The following TRPS1 variants were observed in gnomAD, a reference collection of about 807,000 sequenced individuals.
TRPS1 encodes the protein zinc finger transcription factor Trps1.
In TRPS1, 6 loss-of-function variants were observed where a neutral mutation model predicts 101.2. The observed-to-expected ratio is 0.06, with a 90% CI of 0.03 to 0.12. The LOEUF (loss-of-function observed/expected upper bound fraction) is 0.12, where lower values mean the gene tolerates loss of function less well. Ranked by LOEUF, TRPS1 falls within the 10% of genes least tolerant of loss-of-function variation. The pLI is 1.00. For synonymous variants in TRPS1, 578 were observed against 589.8 expected, an observed-to-expected ratio of 0.98 and a Z score of 0.29; for missense variants, 1,363 against 1,567.0, an observed-to-expected ratio of 0.87 and a Z score of 2.20.
chr8:115,443,178 G>T (rs1230033171), intron 5 of TRPS1, among the ~76,000 whole-genome samples: 5 of 152,116 alleles, frequency 3.3e-5, no homozygotes, highest in Admixed American at 2.6e-4. Context: ...GCTGAGGCAG[G>T]ACAATCGCTT....
At chr8:115,625,107 C>T (rs1818476641) in intron 1 of TRPS1, among the ~76,000 whole-genome samples, 1 of 151,846 alleles carries the variant, frequency 6.6e-6, no homozygotes, top group African/African-American at 2.4e-5. Context: ...CACAGGTGAA[C>T]TAAAATTTAT....
chr8:115,543,565 G>T (rs926152605), intron 5 of TRPS1, among the ~76,000 whole-genome samples: 1 of 152,020 alleles, frequency 6.6e-6, no homozygotes, highest in Non-Finnish European at 1.5e-5. Context: ...AAGATAAAAA[G>T]TTTTAAAAAT....
intron 5 of TRPS1, among the ~76,000 whole-genome samples, chr8:115,438,836 C>T (rs1813520179): frequency 6.6e-6 from 1 of 152,094 alleles, no homozygotes; most frequent in Non-Finnish European, 1.5e-5. Flanking sequence ...TGCCTAAGTT[C>T]CAGTCACTAT....
At chr8:115,580,095 C>T (rs1009447159) in intron 5 of TRPS1, among the ~76,000 whole-genome samples, 3 of 151,910 alleles carry the variant, frequency 2.0e-5, no homozygotes, top group Non-Finnish European at 4.4e-5. Context: ...TTTCCTTAAA[C>T]TGATAACACA....
intron 5 of TRPS1, among the ~76,000 whole-genome samples, chr8:115,420,925 C>G (rs1362677009): frequency 6.6e-6 from 1 of 151,770 alleles, no homozygotes; most frequent in Non-Finnish European, 1.5e-5. Flanking sequence ...CAACACTGGG[C>G]AAGTCACTTA....
intron 5 of TRPS1, among the ~76,000 whole-genome samples, chr8:115,464,418 A>G (rs939569346): frequency 2.0e-5 from 3 of 152,124 alleles, no homozygotes; most frequent in African/African-American, 7.2e-5. Flanking sequence ...ATGGACTTAC[A>G]TCAAACTATT....
chr8:115,535,221 A>AGC (rs1816263364), intron 5 of TRPS1, among the ~76,000 whole-genome samples: 1 of 144,714 alleles, frequency 6.9e-6, no homozygotes, highest in African/African-American at 2.6e-5. Flanking sequence ...TAGCATATAT[A>AGC]GCATATATAT....
intron 5 of TRPS1, among the ~76,000 whole-genome samples, chr8:115,577,730 G>A (rs892188650): frequency 6.6e-6 from 1 of 151,770 alleles, no homozygotes; most frequent in Non-Finnish European, 1.5e-5. Flanking sequence ...AATACTTAAC[G>A]GAATCAATGT....
At chr8:115,565,369 C>A (rs567212944) in intron 5 of TRPS1, among the ~76,000 whole-genome samples, 17 of 152,054 alleles carry the variant, frequency 1.1e-4, no homozygotes, top group Non-Finnish European at 2.4e-4. Flanking sequence ...CAGCATACAT[C>A]CCTCTCAAAA....
Position 115,652,788 on chromosome 8 carries a change from C to T in TRPS1, c.-122+15757G>A, listed in dbSNP as rs1294543843. Among the ~76,000 whole-genome samples the T allele has an allele frequency of 2.6e-5, 4 of 152,118 alleles. No individual in the cohort carries two copies. In the East Asian group the frequency reaches 5.8e-4, roughly 22 times the overall value. ...TTAATTAGCTTCTATAAAATATCCACGATAGTCTGTGTTCACAAATATGCC... is the reference window on the plus strand; with the variant it reads ...TTAATTAGCTTCTATAAAATATCCATGATAGTCTGTGTTCACAAATATGCC... On this transcript the variant is annotated intron_variant, in intron 1 of 6. Transcript: ENST00000395715.
chr8:115,432,332 G>A (rs1338953773), intron 5 of TRPS1, among the ~76,000 whole-genome samples: 1 of 151,668 alleles, frequency 6.6e-6, no homozygotes, highest in African/African-American at 2.4e-5. Context: ...AATGTAAGGT[G>A]GCTAGATTTT....
chr8:115,515,916 G>GT (rs1471437729), intron 5 of TRPS1, among the ~76,000 whole-genome samples: 1 of 151,148 alleles, frequency 6.6e-6, no homozygotes, highest in Non-Finnish European at 1.5e-5. Flanking sequence ...CTTTAGTTTG[G>GT]TTTTCTCTGA....
chr8:115,562,741 C>T (rs559273277), intron 5 of TRPS1, among the ~76,000 whole-genome samples: 1 of 151,024 alleles, frequency 6.6e-6, no homozygotes, highest in Non-Finnish European at 1.5e-5. Context: ...CTTACTTAAA[C>T]AAAAGGAGAA....
Position 115,578,758 on chromosome 8 carries a change from G to A in TRPS1, c.2700+8243C>T, listed in dbSNP as rs111641840. On this transcript the variant is annotated intron_variant, in intron 5 of 6. Coordinates refer to ENST00000395715, the MANE Select transcript of TRPS1 (RefSeq NM_014112.5). ...AAAGTATTTACAGGTTGGAATTTAT[G>A]AGTGGTTTTCATCTTCTTTACAGTA... 1.7e-3 allele frequency among the ~76,000 whole-genome samples: 262 copies of A among 152,220 alleles called. 2 individuals are homozygous for A. Among genetic ancestry groups the A allele is most frequent in the African/African-American group, 6.1e-3 (254 of 41,560 alleles).
chr8:115,549,155 G>A (rs1020884838), intron 5 of TRPS1, among the ~76,000 whole-genome samples: 10 of 152,170 alleles, frequency 6.6e-5, no homozygotes, highest in South Asian at 2.1e-4. Flanking sequence ...TGTGAAAGCC[G>A]AACTGTTCCT....
chr8:115,563,073 A>G (rs568557172), intron 5 of TRPS1, among the ~76,000 whole-genome samples: 51 of 152,078 alleles, frequency 3.4e-4, no homozygotes, highest in African/African-American at 1.2e-3. Flanking sequence ...GATTATGTGA[A>G]TGAAACACTT....
At chr8:115,536,054 C>T (rs1389890856) in intron 5 of TRPS1, among the ~76,000 whole-genome samples, 2 of 151,808 alleles carry the variant, frequency 1.3e-5, no homozygotes, top group African/African-American at 4.8e-5. Context: ...GATTATTACT[C>T]AAAATATAAA....
rs1305105276 is a variant in TRPS1, at chr8:115,535,500, TATATATAGCGCATATATATAGCGC to T, written c.2700+51477_2700+51500del. ...ACACATATATAGCATATATATAGCA[TATATATAGCGCATATATATAGCGC>T]ATATATAGCGCATATATATAGCGCA... On this transcript the variant is annotated intron_variant, in intron 5 of 6. Transcript: ENST00000395715. Among the ~76,000 whole-genome samples the T allele has an allele frequency of 1.1e-3, 155 of 147,366 alleles. 1 individual carries two copies. In the Middle Eastern group the frequency reaches 0.011, roughly 10 times the overall value.
intron 5 of TRPS1, among the ~76,000 whole-genome samples, chr8:115,539,264 G>C (rs983719574): frequency 6.6e-6 from 1 of 152,080 alleles, no homozygotes; most frequent in Non-Finnish European, 1.5e-5. Flanking sequence ...TAGCAACAAG[G>C]GTTTCAAAGA....
Sources: allele counts gnomAD v4.1 joint callset (sites outside exome capture counted in the v4.1 genomes callset), GRCh38; gene constraint gnomAD v4.1.1; transcripts MANE v1.5; gene names NCBI Gene and HGNC (gene_info 2026-07-23, HGNC 2026-07-21).